The following FAM222A variants were observed in gnomAD, a reference collection of about 807,000 sequenced individuals.
The protein encoded by FAM222A is protein FAM222A.
In FAM222A, 7 loss-of-function variants were observed where a neutral mutation model predicts 25.8. That is an observed-to-expected ratio of 0.27 (90% CI 0.15 to 0.51). The LOEUF (loss-of-function observed/expected upper bound fraction) is 0.51. Ranked by LOEUF, FAM222A falls within the 20% of genes least tolerant of loss-of-function variation. The pLI is 0.97. For missense variants in FAM222A, 573 were observed against 640.5 expected (o/e 0.89, Z 1.14); for synonymous variants, 294 against 298.8 (o/e 0.98, Z 0.17).
intron 1 of FAM222A, among the ~76,000 whole-genome samples, chr12:109,723,718 G>A (rs1175218740): frequency 6.6e-6 from 1 of 152,198 alleles, no homozygotes; most frequent in Non-Finnish European, 1.5e-5. Context: ...ATGCCGCATC[G>A]CATCGGCCTG....
rs191765432 is a variant in FAM222A at position 109,767,504 on chromosome 12, C to A, written c.83-508C>A. On this transcript the variant is annotated intron_variant, in intron 2 of 2. Transcript: ENST00000538780. Reference sequence around the variant, plus strand: ...GAGCAAGACCCTGTCTCTAAAAGAACAGAAACGATGAATAGATTGCGGCAT... The same window carrying A: ...GAGCAAGACCCTGTCTCTAAAAGAAAAGAAACGATGAATAGATTGCGGCAT... Among the ~76,000 whole-genome samples, 61 of 152,268 alleles carry A rather than the reference C, an allele frequency of 4.0e-4. 2 individuals carry two copies. The highest frequency in any genetic ancestry group is 3.5e-3 in the Admixed American group (54 of 15,294).
At chr12:109,717,220 A>G (rs1887662070) in intron 1 of FAM222A, among the ~76,000 whole-genome samples, 1 of 152,172 alleles carries the variant, frequency 6.6e-6, no homozygotes, top group Admixed American at 6.5e-5. Flanking sequence ...CGTTGAGTAG[A>G]TTAACAACTT....
intron 1 of FAM222A, among the ~76,000 whole-genome samples, chr12:109,743,518 G>A (rs920256305): frequency 6.6e-6 from 1 of 152,230 alleles, no homozygotes; most frequent in African/African-American, 2.4e-5. Flanking sequence ...GGCTCAGGGT[G>A]CAGCATGGAT....
At chr12:109,725,854 A>C (rs956495335) in intron 1 of FAM222A, among the ~76,000 whole-genome samples, 1 of 151,892 alleles carries the variant, frequency 6.6e-6, no homozygotes. Flanking sequence ...GCACATTTTC[A>C]TACAATTGCT....
rs1187039016 is a variant in FAM222A, at chr12:109,714,253, C to T, written c.-691C>T. 3.1e-5 allele frequency: 6 copies of T among 192,848 alleles called. No individual in the cohort carries two copies. In the South Asian group the frequency reaches 3.7e-4, roughly 12 times the overall value. The allele number at this position is 192,848 out of a possible 1,614,324, so 11.9% of individuals were successfully genotyped here. On this transcript the variant is annotated 5_prime_UTR_variant, in exon 1 of 3. Transcript: ENST00000538780. The surrounding 1 kb of genome is among the most constrained non-coding windows in gnomAD (Gnocchi z 4.2). ...CGCTGTTCGCCGGCTTCCCCTCCCCCCACACCCGGGGCTCAGAGCAGGAGG... is the reference window on the plus strand; with the variant it reads ...CGCTGTTCGCCGGCTTCCCCTCCCCTCACACCCGGGGCTCAGAGCAGGAGG...
intron 2 of FAM222A, 153 bp downstream of exon 2, chr12:109,744,381 GTCTCCATCC>G: frequency 1.0e-6 from 1 of 985,354 alleles, no homozygotes; most frequent in Non-Finnish European, 1.2e-6. Context: ...TGCCTTCCTG[GTCTCCATCC>G]CCAAAATGAC....
At chr12:109,738,837 C>T (rs1888155106) in intron 1 of FAM222A, among the ~76,000 whole-genome samples, 1 of 152,206 alleles carries the variant, frequency 6.6e-6, no homozygotes, top group Non-Finnish European at 1.5e-5. Flanking sequence ...CTCATACTAT[C>T]AGCTGGTCCA....
chr12:109,714,190 G>A lies in FAM222A; in HGVS notation c.-754G>A, dbSNP rs370246403. 3.8e-3 allele frequency: 787 copies of A among 209,170 alleles called. 52 individuals are homozygous for A. In the South Asian group the frequency reaches 0.045, roughly 12 times the overall value. The allele number at this position is 209,170 out of a possible 1,614,324, so 13.0% of individuals were successfully genotyped here. A position where few individuals can be genotyped will look rare whatever the true frequency, so the allele number is the denominator to read the frequency against. ...GGCCCCCGAGGCTGCATCCGAGCTT[G>A]CGTCGCCCGCTGCCGCCGCCGCCGC... On this transcript the variant is annotated 5_prime_UTR_variant, in exon 1 of 3. Transcript: ENST00000538780. The surrounding 1 kb of genome is among the most constrained non-coding windows in gnomAD (Gnocchi z 4.2).
intron 1 of FAM222A, among the ~76,000 whole-genome samples, chr12:109,716,636 G>A (rs1224879052): frequency 2.6e-5 from 4 of 152,230 alleles, no homozygotes; most frequent in African/African-American, 9.6e-5. Flanking sequence ...GCTGCCTCTC[G>A]AAGCTTCCCA....
At chr12:109,762,077 C>T (rs1016002785) in intron 2 of FAM222A, among the ~76,000 whole-genome samples, 1 of 152,212 alleles carries the variant, frequency 6.6e-6, no homozygotes, top group Non-Finnish European at 1.5e-5. Flanking sequence ...TACTCCAAAG[C>T]CACATTATCA....
At chr12:109,758,128 C>T (rs531370096) in intron 2 of FAM222A, among the ~76,000 whole-genome samples, 2 of 152,274 alleles carry the variant, frequency 1.3e-5, no homozygotes, top group East Asian at 1.9e-4. Flanking sequence ...AATGTGTGCC[C>T]GGAGCACCTG....
intron 1 of FAM222A, among the ~76,000 whole-genome samples, chr12:109,715,529 C>T (rs1887626273): frequency 6.6e-6 from 1 of 151,876 alleles, no homozygotes; most frequent in African/African-American, 2.4e-5. Context: ...GGGGCGGGGT[C>T]GTGGTAACAA....
At chr12:109,742,745 C>G (rs910964684) in intron 1 of FAM222A, among the ~76,000 whole-genome samples, 1 of 151,898 alleles carries the variant, frequency 6.6e-6, no homozygotes, top group Non-Finnish European at 1.5e-5. Context: ...AAGGTGGTTA[C>G]GCGATTGTCT....
intron 1 of FAM222A, among the ~76,000 whole-genome samples, chr12:109,726,487 C>G (rs1348225762): frequency 1.3e-5 from 2 of 152,224 alleles, no homozygotes; most frequent in African/African-American, 4.8e-5. Context: ...GGCTGCAGAG[C>G]CTGTAACCAT....
At chr12:109,750,855 C>T (rs1175415398) in intron 2 of FAM222A, among the ~76,000 whole-genome samples, 1 of 145,222 alleles carries the variant, frequency 6.9e-6, no homozygotes, top group African/African-American at 2.6e-5. Context: ...TCTAATATTG[C>T]ATGTTGCCAT....
intron 1 of FAM222A, among the ~76,000 whole-genome samples, chr12:109,739,934 C>T (rs1410894774): frequency 1.3e-5 from 2 of 152,220 alleles, no homozygotes; most frequent in African/African-American, 4.8e-5. Flanking sequence ...TACATGCTCA[C>T]CACCGTTAAG....
In FAM222A at chr12:109,768,360, G is replaced by T; in HGVS notation, c.431G>T (p.Gly144Val). The change falls in exon 3 of 3, where the codon GGC becomes GTC. Residue 144 changes from glycine (G) to valine (V), a missense_variant. Gly to Val is a moderately radical substitution (Grantham distance 109). Coordinates refer to ENST00000538780, the MANE Select transcript of FAM222A (RefSeq NM_032829.3). ...TKLSPAAVQVGIAPYPVPSTL... is the reference protein window; with the variant it reads ...TKLSPAAVQVVIAPYPVPSTL... Reference sequence around the variant, plus strand: ...CTGTCACCGGCCGCCGTGCAGGTGGGCATTGCGCCCTACCCAGTGCCCAGC... The same window carrying T: ...CTGTCACCGGCCGCCGTGCAGGTGGTCATTGCGCCCTACCCAGTGCCCAGC... 6.3e-7 allele frequency: 1 copy of T among 1,596,010 alleles called. No homozygotes were observed.
intron 1 of FAM222A, among the ~76,000 whole-genome samples, chr12:109,725,542 A>C (rs569307414): frequency 6.4e-4 from 97 of 150,592 alleles, no homozygotes; most frequent in Non-Finnish European, 1.2e-3. Context: ...AAGGCTAGGC[A>C]CCTTGCACAG....
chr12:109,725,725 G>A (rs569781794), intron 1 of FAM222A, among the ~76,000 whole-genome samples: 1 of 151,934 alleles, frequency 6.6e-6, no homozygotes, highest in Admixed American at 6.6e-5. Flanking sequence ...TGAAGCAAAT[G>A]TCAGGCGCCA....
Sources: allele counts gnomAD v4.1 joint callset (sites outside exome capture counted in the v4.1 genomes callset), GRCh38; gene constraint gnomAD v4.1.1; non-coding constraint Gnocchi (gnomAD v3.1); transcripts MANE v1.5; gene names NCBI Gene and HGNC (gene_info 2026-07-23, HGNC 2026-07-21).